Variants in TJP1 observed in about 807,000 individuals in gnomAD.
TJP1 encodes tight junction protein ZO-1.
In TJP1, 43 loss-of-function variants were observed where a neutral mutation model predicts 194.2. The observed-to-expected ratio is 0.22, with a 90% CI of 0.17 to 0.29. The LOEUF is 0.29. Among genes scored for constraint, TJP1 ranks in the 10% least tolerant of loss-of-function variants. TJP1 has a pLI of 1.00. For missense variants in TJP1, 1,971 were observed against 2,185.7 expected (o/e 0.90, Z 1.96); for synonymous variants, 801 against 779.0 (o/e 1.03, Z -0.47).
At chr15:29,726,045 AGAG>A (rs1356726108) in intron 18 of TJP1, among the ~76,000 whole-genome samples, 2 of 152,160 alleles carry the variant, frequency 1.3e-5, no homozygotes, top group Non-Finnish European at 2.9e-5. Flanking sequence ...CCTCATTTTC[AGAG>A]GAGGAAACTG....
intron 1 of TJP1, among the ~76,000 whole-genome samples, chr15:29,966,366 T>C (rs2056333752): frequency 6.6e-6 from 1 of 151,862 alleles, no homozygotes. Flanking sequence ...TAGCCGGGTG[T>C]GGTGGTAGGC....
In TJP1 at chr15:29,701,551, G is replaced by A. The variant is rs1383076053; in HGVS notation, c.*44C>T. The A allele has an allele frequency of 6.7e-7, 1 of 1,498,882 alleles. No individual in the cohort carries two copies. The highest frequency in any genetic ancestry group is 1.7e-5 in the Admixed American group (1 of 59,454). 92.8% of individuals were successfully genotyped at this position (1,498,882 alleles called of 1,614,324 possible). On this transcript the variant is annotated 3_prime_UTR_variant, in exon 28 of 28. Transcript: ENST00000614355. ...GATAGAGTGGTTCCATTTAGATTAA[G>A]TTTAATCCAGTTTCACATTATTTAA...
At position 29,718,962 on chromosome 15, in the gene TJP1, T is replaced by C; in HGVS notation, c.3180A>G (p.Arg1060=). 4 of 1,614,166 alleles carry C rather than the reference T, an allele frequency of 2.5e-6. No homozygotes were observed. The highest frequency in any genetic ancestry group is 3.4e-6 in the Non-Finnish European group (4 of 1,180,044). Reference sequence around the variant, plus strand: ...GGTCCGTATAGCTTGAGGACTCGTATCTGTATGTGGGCTGCTCGAGGTCTC... The same window carrying C: ...GGTCCGTATAGCTTGAGGACTCGTACCTGTATGTGGGCTGCTCGAGGTCTC... The part of the protein sequence containing the change: ...ASRDLEQPTY[R]YESSSYTDQF... Residue 1060 remains arginine, a synonymous_variant, in exon 21 of 28, where the codon AGA becomes AGG. Transcript: ENST00000614355.
intron 6 of TJP1, 95 bp from the exon 7 acceptor site, chr15:29,761,864 G>T: frequency 1.6e-6 from 2 of 1,245,828 alleles, no homozygotes; most frequent in Non-Finnish European, 2.1e-6. Flanking sequence ...ACCACTCCTT[G>T]CTATGAAAAC....
chr15:29,926,588 G>A (rs2054533423), intron 2 of TJP1, among the ~76,000 whole-genome samples: 1 of 151,040 alleles, frequency 6.6e-6, no homozygotes, highest in African/African-American at 2.4e-5. Context: ...CTCCAGCCTG[G>A]GTAACAAGAG....
chr15:29,723,137 T>A (rs143743913), intron 18 of TJP1, among the ~76,000 whole-genome samples: 9 of 152,258 alleles, frequency 5.9e-5, no homozygotes, highest in African/African-American at 2.2e-4. Context: ...GGGGCACTGT[T>A]GGGAACGCAC....
intron 2 of TJP1, among the ~76,000 whole-genome samples, chr15:29,906,483 A>ATAAG (rs2053818097): frequency 6.7e-6 from 1 of 149,730 alleles, no homozygotes; most frequent in South Asian, 2.1e-4. Context: ...AAATAAATAA[A>ATAAG]TAAATAAATA....
At chr15:29,770,506 G>C (rs2046594096) in intron 4 of TJP1, among the ~76,000 whole-genome samples, 1 of 151,570 alleles carries the variant, frequency 6.6e-6, no homozygotes, top group Non-Finnish European at 1.5e-5. Flanking sequence ...CCTCCATCAG[G>C]AGATCGACAC....
intron 27 of TJP1, among the ~76,000 whole-genome samples, chr15:29,701,993 G>C (rs1440875642): frequency 1.3e-5 from 2 of 151,704 alleles, no homozygotes; most frequent in Non-Finnish European, 2.9e-5. Flanking sequence ...ACATTATCAA[G>C]TGCATTGGCC....
intron 2 of TJP1, among the ~76,000 whole-genome samples, chr15:29,837,057 G>C (rs2051058841): frequency 6.6e-6 from 1 of 152,140 alleles, no homozygotes; most frequent in Non-Finnish European, 1.5e-5. Context: ...CATAAAAGAA[G>C]TAATTACACA....
At chr15:29,916,956 G>A (rs1001405120) in intron 2 of TJP1, among the ~76,000 whole-genome samples, 3 of 152,028 alleles carry the variant, frequency 2.0e-5, no homozygotes, top group South Asian at 2.1e-4. Context: ...GTGCACATAC[G>A]CACACAGAAC....
Position 29,718,291 on chromosome 15 carries a change from T to C in TJP1, c.3851A>G (p.Asp1284Gly), listed in dbSNP as rs1369346341. ...KRSASLETKK[D>G]VNDTGSFKPP... ...CTTAAAACTGCCAGTGTCATTTACA[T>C]CCTTCTTGGTCTCTAAGGATGCAGA... The change falls in exon 21 of 28, where the codon GAT (aspartate) becomes GGT (glycine). Residue 1284 changes from aspartate (D) to glycine (G), a missense_variant. Around this residue, in one of 5 missense-constraint regions of TJP1, gnomAD observed 1,108 missense variants for 1,128.5 expected, o/e 0.98. Transcript: ENST00000614355. The C allele has an allele frequency of 6.2e-7, 1 of 1,613,746 alleles. No individual in the cohort carries two copies. Among genetic ancestry groups the C allele is most frequent in the Non-Finnish European group, 8.5e-7 (1 of 1,179,904 alleles).
intron 8 of TJP1, among the ~76,000 whole-genome samples, chr15:29,750,435 A>G (rs1488245426): frequency 6.6e-6 from 1 of 152,156 alleles, no homozygotes; most frequent in Non-Finnish European, 1.5e-5. Context: ...CACTGCGCCC[A>G]GCCCTATCCG....
intron 2 of TJP1, among the ~76,000 whole-genome samples, chr15:29,887,525 T>C (rs989547551): frequency 6.6e-6 from 1 of 151,898 alleles, no homozygotes; most frequent in Non-Finnish European, 1.5e-5. Context: ...GGTCTTGAAC[T>C]CCTGACCTCA....
At chr15:29,927,732 T>C (rs2054570199) in intron 2 of TJP1, among the ~76,000 whole-genome samples, 1 of 152,146 alleles carries the variant, frequency 6.6e-6, no homozygotes, top group African/African-American at 2.4e-5. Context: ...CACCTTCTGA[T>C]TCTGGAGAGC....
chr15:29,941,209 C>T (rs2055063618), intron 2 of TJP1, among the ~76,000 whole-genome samples: 2 of 152,210 alleles, frequency 1.3e-5, no homozygotes, highest in Admixed American at 1.3e-4. Flanking sequence ...CTTGAGGCCA[C>T]ACACATCTCC....
intron 2 of TJP1, 78 bp downstream of exon 2, chr15:29,800,568 T>G (rs2048714948): frequency 6.9e-7 from 1 of 1,441,294 alleles, no homozygotes; most frequent in Non-Finnish European, 9.6e-7. Flanking sequence ...CTTCCTGACA[T>G]CTGGCTTTCC....
At chr15:29,890,226 A>T (rs2053258482) in intron 2 of TJP1, among the ~76,000 whole-genome samples, 1 of 152,222 alleles carries the variant, frequency 6.6e-6, no homozygotes, top group Admixed American at 6.5e-5. Flanking sequence ...CAAGGAAATG[A>T]GATTTTTCTC....
At chr15:29,756,995 C>A (rs539664440) in intron 8 of TJP1, among the ~76,000 whole-genome samples, 1 of 152,086 alleles carries the variant, frequency 6.6e-6, no homozygotes, top group Non-Finnish European at 1.5e-5. Flanking sequence ...ATTACAGTAG[C>A]GAACACATGT....
Sources: gnomAD v4.1 joint callset for allele counts (sites outside exome capture counted in the v4.1 genomes callset) on GRCh38, gnomAD v4.1.1 for gene constraint, gnomAD v4.1.1 regional missense constraint, MANE v1.5 for transcripts, NCBI Gene and HGNC (gene_info 2026-07-23, HGNC 2026-07-21) for gene names.